CNBD1: variants seen among roughly 807,000 people sequenced by gnomAD.
CNBD1 encodes cyclic nucleotide-binding domain-containing protein 1.
CNBD1 carries 71 observed loss-of-function variants against 54.4 expected under a neutral mutation model. That is an observed-to-expected ratio of 1.30 (90% CI 1.08 to 1.59). CNBD1 has a LOEUF of 1.59. Ranked by LOEUF, CNBD1 falls within the 40% of genes most tolerant of loss-of-function variation. The pLI, the probability that CNBD1 is intolerant of heterozygous loss-of-function variation, is 0.00. For synonymous variants in CNBD1, 182 were observed against 170.7 expected, an observed-to-expected ratio of 1.07 and a Z score of -0.51; for missense variants, 659 against 518.0, an observed-to-expected ratio of 1.27 and a Z score of -2.64.
At chr8:87,408,389 A>C (rs1257767052) in intron 2 of CNBD1, among the ~76,000 whole-genome samples, 1 of 150,208 alleles carries the variant, frequency 6.7e-6, no homozygotes, top group Non-Finnish European at 1.5e-5. Context: ...TTTTAGATAC[A>C]TATATGTGTG....
chr8:87,031,146 G>A (rs1809780619), intron 4 of CNBD1, among the ~76,000 whole-genome samples: 1 of 151,428 alleles, frequency 6.6e-6, no homozygotes, highest in Non-Finnish European at 1.5e-5. Context: ...ATTAAAAATG[G>A]CAAGGGAATA....
intron 4 of CNBD1, among the ~76,000 whole-genome samples, chr8:87,122,628 A>G (rs370993399): frequency 6.6e-6 from 1 of 151,870 alleles, no homozygotes; most frequent in African/African-American, 2.4e-5. Context: ...AATGTCATTT[A>G]GCATTCCAGG....
chr8:86,907,067 C>T (rs981230910), intron 3 of CNBD1, among the ~76,000 whole-genome samples: 20 of 152,284 alleles, frequency 1.3e-4, no homozygotes, highest in Non-Finnish European at 2.6e-4. Flanking sequence ...TAAATGATGG[C>T]ATTGGGACTC....
chr8:87,328,722 C>T (rs1187351491), intron 8 of CNBD1, among the ~76,000 whole-genome samples: 1 of 152,070 alleles, frequency 6.6e-6, no homozygotes, highest in African/African-American at 2.4e-5. Context: ...AAGACTAAGT[C>T]TTCTACTTCA....
intron 2 of CNBD1, among the ~76,000 whole-genome samples, chr8:87,422,149 G>C (rs988691393): frequency 3.4e-5 from 5 of 146,478 alleles, no homozygotes; most frequent in Non-Finnish European, 6.0e-5. Flanking sequence ...AAATTTGTTT[G>C]AGTTCATTGT....
chr8:87,202,470 A>G (rs146168000), intron 4 of CNBD1, among the ~76,000 whole-genome samples: 8 of 152,190 alleles, frequency 5.3e-5, no homozygotes, highest in Non-Finnish European at 1.0e-4. Flanking sequence ...ACAAGCCCAA[A>G]TGCAAGTAAT....
chr8:87,340,383 T>C (rs1171326592), intron 8 of CNBD1, among the ~76,000 whole-genome samples: 1 of 152,192 alleles, frequency 6.6e-6, no homozygotes. Flanking sequence ...GGTGTGGAGT[T>C]CTTTTGATTT....
At chr8:87,084,490 A>G (rs1338260271) in intron 4 of CNBD1, among the ~76,000 whole-genome samples, 7 of 152,138 alleles carry the variant, frequency 4.6e-5, no homozygotes, top group South Asian at 2.1e-4. Context: ...TTTCTTCTGC[A>G]CTTGAAATAT....
rs539822779 is a variant in CNBD1, at chr8:86,953,314, A to C, written c.431+13560A>C. Among the ~76,000 whole-genome samples the C allele has an allele frequency of 2.0e-5, 3 of 152,338 alleles. No homozygotes were observed. The East Asian group carries it at 5.8e-4, about 29-fold the overall frequency. On this transcript the variant is annotated intron_variant, in intron 4 of 10. Transcript: ENST00000518476. Reference sequence around the variant, plus strand: ...TGAAGCAACTGCCAAACTGTTTTTCAAAATGGTTGTATCATTAGGTATAGA... The same window carrying C: ...TGAAGCAACTGCCAAACTGTTTTTCCAAATGGTTGTATCATTAGGTATAGA...
At chr8:86,960,692 G>A (rs1464485186) in intron 4 of CNBD1, among the ~76,000 whole-genome samples, 1 of 152,158 alleles carries the variant, frequency 6.6e-6, no homozygotes, top group Non-Finnish European at 1.5e-5. Flanking sequence ...CTCCTCAAGT[G>A]GGTCCCTGAT....
At chr8:87,310,366 A>G (rs1809240547) in intron 8 of CNBD1, among the ~76,000 whole-genome samples, 1 of 152,028 alleles carries the variant, frequency 6.6e-6, no homozygotes, top group Non-Finnish European at 1.5e-5. Context: ...AAAAAATGCA[A>G]TCCCATTTAC....
intron 4 of CNBD1, among the ~76,000 whole-genome samples, chr8:87,019,836 C>T (rs1009391789): frequency 6.6e-6 from 1 of 152,098 alleles, no homozygotes. Context: ...CGAGATTGCG[C>T]CACTGTCACT....
intron 4 of CNBD1, among the ~76,000 whole-genome samples, chr8:86,947,318 C>T (rs979030703): frequency 6.6e-5 from 10 of 151,996 alleles, no homozygotes; most frequent in East Asian, 5.8e-4. Flanking sequence ...GTCCTTAGTA[C>T]GTTTGCAGTA....
At chr8:87,261,226 A>C (rs1243381271) in intron 6 of CNBD1, among the ~76,000 whole-genome samples, 1 of 152,062 alleles carries the variant, frequency 6.6e-6, no homozygotes, top group Admixed American at 6.6e-5. Flanking sequence ...TCAAAACACA[A>C]ATCTGTGGAG....
chr8:86,878,553 T>C (rs1423968575), intron 1 of CNBD1, among the ~76,000 whole-genome samples: 1 of 149,328 alleles, frequency 6.7e-6, no homozygotes, highest in Non-Finnish European at 1.5e-5. Flanking sequence ...AACATTGTCC[T>C]CTGTATTATC....
At chr8:86,965,501 G>A (rs1808049187) in intron 4 of CNBD1, among the ~76,000 whole-genome samples, 1 of 152,098 alleles carries the variant, frequency 6.6e-6, no homozygotes, top group South Asian at 2.1e-4. Flanking sequence ...CTTAAGTCTG[G>A]CAACCATGCT....
intron 4 of CNBD1, among the ~76,000 whole-genome samples, chr8:87,009,484 T>G (rs1809171230): frequency 6.6e-6 from 1 of 151,860 alleles, no homozygotes; most frequent in African/African-American, 2.4e-5. Context: ...TTATTTTTAG[T>G]AGAGATGGGG....
At position 87,293,267 on chromosome 8, in the gene CNBD1, G is replaced by T. The variant is rs748234711; in HGVS notation, c.1042+6596G>T. ...TTTTTAAATCACTTAAAGTCAGGCC[G>T]GACACAGTGGCTCACACCCATATCC... On this transcript the variant is annotated intron_variant, in intron 8 of 10. Transcript: ENST00000518476. Among the ~76,000 whole-genome samples the T allele has an allele frequency of 2.0e-5, 3 of 152,020 alleles. No homozygotes were observed. In the East Asian group the frequency reaches 5.8e-4, roughly 29 times the overall value.
chr8:87,279,285 T>C (rs1362164365), intron 6 of CNBD1, among the ~76,000 whole-genome samples: 3 of 151,318 alleles, frequency 2.0e-5, no homozygotes, highest in African/African-American at 4.8e-5. Flanking sequence ...AAAGAATATA[T>C]AAGTTAAAAG....
Sources: allele counts gnomAD v4.1 joint callset (sites outside exome capture counted in the v4.1 genomes callset), GRCh38; gene constraint gnomAD v4.1.1; transcripts MANE v1.5; gene names NCBI Gene and HGNC (gene_info 2026-07-23, HGNC 2026-07-21).